The following EPHB1 variants were observed in gnomAD, a reference collection of about 807,000 sequenced individuals.
The protein encoded by EPHB1 is ephrin type-B receptor 1.
EPHB1 carries 30 observed loss-of-function variants against 94.4 expected under a neutral mutation model. The ratio of observed to expected loss-of-function variants is 0.32; its 90% CI spans 0.24 to 0.43. EPHB1 has a LOEUF of 0.43. Ranked by LOEUF, EPHB1 falls within the 20% of genes least tolerant of loss-of-function variation. The pLI is 1.00. For synonymous variants in EPHB1, 522 were observed against 489.1 expected (o/e 1.07, Z -0.89); for missense variants, 1,055 against 1,308.3 (o/e 0.81, Z 2.99).
chr3:134,918,491 T>A (rs1262206603), intron 1 of EPHB1, among the ~76,000 whole-genome samples: 1 of 152,218 alleles, frequency 6.6e-6, no homozygotes, highest in African/African-American at 2.4e-5. Flanking sequence ...TTTCTGAATT[T>A]GTGTCATGTA....
intron 3 of EPHB1, among the ~76,000 whole-genome samples, chr3:135,003,947 A>T (rs1271128296): frequency 5.3e-5 from 8 of 151,874 alleles, no homozygotes; most frequent in Non-Finnish European, 1.2e-4. Flanking sequence ...TGGAGCATTT[A>T]GTCCATTTAC....
intron 3 of EPHB1, among the ~76,000 whole-genome samples, chr3:135,091,610 T>C (rs1191191378): frequency 6.6e-6 from 1 of 152,156 alleles, no homozygotes; most frequent in Non-Finnish European, 1.5e-5. Flanking sequence ...ATTTGTGGGC[T>C]CACCAAACTC....
At chr3:134,869,965 C>T (rs1176791668) in intron 1 of EPHB1, among the ~76,000 whole-genome samples, 1 of 152,184 alleles carries the variant, frequency 6.6e-6, no homozygotes, top group African/African-American at 2.4e-5. Flanking sequence ...GGCACACATG[C>T]AAGGCTATTC....
At chr3:134,985,196 C>G (rs1204747010) in intron 3 of EPHB1, among the ~76,000 whole-genome samples, 1 of 152,104 alleles carries the variant, frequency 6.6e-6, no homozygotes, top group African/African-American at 2.4e-5. Context: ...GCTCTGTTGC[C>G]CAGGCTGGAG....
intron 4 of EPHB1, among the ~76,000 whole-genome samples, chr3:135,120,301 C>T (rs1379587479): frequency 6.6e-6 from 1 of 152,214 alleles, no homozygotes; most frequent in Non-Finnish European, 1.5e-5. Flanking sequence ...GTCATCTTCA[C>T]AGAGGTCTTG....
intron 6 of EPHB1, among the ~76,000 whole-genome samples, chr3:135,155,277 G>T (rs558413580): frequency 6.6e-6 from 1 of 152,162 alleles, no homozygotes; most frequent in Non-Finnish European, 1.5e-5. Flanking sequence ...TAGAGGGGTA[G>T]AGATAGGCCT....
intron 1 of EPHB1, among the ~76,000 whole-genome samples, chr3:134,899,319 T>A (rs1355512201): frequency 6.6e-6 from 1 of 152,096 alleles, no homozygotes; most frequent in Admixed American, 6.6e-5. Flanking sequence ...GTGAGATTGG[T>A]CCTGAGATTG....
rs545272457 is a variant in EPHB1, at chr3:135,201,677, C to T, written c.2334C>T (p.Tyr778=). 9 of 1,613,770 alleles carry T rather than the reference C, an allele frequency of 5.6e-6. No homozygotes were observed. The African/African-American group carries it at 6.7e-5, about 12-fold the overall frequency. Residue 778 remains tyrosine, a synonymous_variant, in exon 12 of 16, where the codon TAC becomes TAT. Transcript: ENST00000398015. ...YLQDDTSDPT[Y]TSSLGGKIPV... ...AGGATGACACCTCAGATCCCACCTA[C>T]ACCAGCTCCTTGGTGAGTCCTTCTT...
chr3:135,215,429 C>G (rs1017500380), intron 12 of EPHB1, among the ~76,000 whole-genome samples: 1 of 152,220 alleles, frequency 6.6e-6, no homozygotes, highest in Admixed American at 6.5e-5. Context: ...TCCCAAGCTG[C>G]TGGGATTACA....
At chr3:135,011,314 C>T (rs1298461037) in intron 3 of EPHB1, among the ~76,000 whole-genome samples, 1 of 152,080 alleles carries the variant, frequency 6.6e-6, no homozygotes, top group African/African-American at 2.4e-5. Context: ...AAGAAGATTC[C>T]TTCTTTATCC....
At chr3:135,092,593 T>A (rs1300583177) in intron 3 of EPHB1, among the ~76,000 whole-genome samples, 1 of 151,754 alleles carries the variant, frequency 6.6e-6, no homozygotes, top group East Asian at 1.9e-4. Context: ...GACTCTGGAG[T>A]CCAACAACTT....
intron 3 of EPHB1, among the ~76,000 whole-genome samples, chr3:135,011,209 G>A (rs145810385): frequency 2.4e-4 from 36 of 152,320 alleles, no homozygotes; most frequent in African/African-American, 6.7e-4. Flanking sequence ...GGCATTGAAC[G>A]TGGTCAGCTG....
intron 3 of EPHB1, among the ~76,000 whole-genome samples, chr3:134,980,860 G>C (rs1336908471): frequency 1.3e-5 from 2 of 152,304 alleles, no homozygotes; most frequent in Non-Finnish European, 2.9e-5. Context: ...GTATCACCTT[G>C]GAGGGACAAT....
At chr3:135,244,657 G>A (rs1470023338) in intron 13 of EPHB1, among the ~76,000 whole-genome samples, 16 of 152,326 alleles carry the variant, frequency 1.1e-4, no homozygotes, top group African/African-American at 3.6e-4. Context: ...AGTGAGGCAA[G>A]TGTGACAGAG....
At chr3:135,167,185 C>T (rs933045462) in intron 9 of EPHB1, among the ~76,000 whole-genome samples, 179 bp downstream of exon 9, 5 of 152,234 alleles carry the variant, frequency 3.3e-5, no homozygotes, top group African/African-American at 1.2e-4. Flanking sequence ...ACCCTCCCAT[C>T]TGCCGTCTAC....
chr3:134,840,892 G>A (rs6776816), intron 1 of EPHB1, among the ~76,000 whole-genome samples: 1,748 of 152,246 alleles, frequency 0.011, 34 homozygotes, highest in African/African-American at 0.04. Context: ...ACCTGGCTGC[G>A]ATAACCCTCC....
intron 1 of EPHB1, among the ~76,000 whole-genome samples, chr3:134,912,379 C>T (rs190248090): frequency 9.3e-4 from 142 of 152,304 alleles, no homozygotes; most frequent in African/African-American, 3.2e-3. Flanking sequence ...TTTCATAGGT[C>T]TTTGACTCTC....
chr3:134,833,793 C>T (rs2036622154), intron 1 of EPHB1, among the ~76,000 whole-genome samples: 1 of 152,148 alleles, frequency 6.6e-6, no homozygotes, highest in Non-Finnish European at 1.5e-5. Context: ...AACCAGCCAA[C>T]AGAAGGGCAG....
chr3:134,851,686 A>C (rs1051801253), intron 1 of EPHB1, among the ~76,000 whole-genome samples: 1 of 152,202 alleles, frequency 6.6e-6, no homozygotes, highest in Non-Finnish European at 1.5e-5. Context: ...GCTGCCTGAC[A>C]AAGGAGAGTT....
Sources: gnomAD v4.1 joint callset for allele counts (sites outside exome capture counted in the v4.1 genomes callset) on GRCh38, gnomAD v4.1.1 for gene constraint, MANE v1.5 for transcripts, NCBI Gene and HGNC (gene_info 2026-07-23, HGNC 2026-07-21) for gene names.